The following FAM83C variants were observed in gnomAD, a reference collection of about 807,000 sequenced individuals.
FAM83C encodes the protein scaffolding CK1 anchoring protein C.
FAM83C carries 23 observed loss-of-function variants against 27.1 expected under a neutral mutation model. The ratio of observed to expected loss-of-function variants is 0.85; its 90% CI spans 0.61 to 1.20. FAM83C has a LOEUF of 1.20. Among genes scored for constraint, FAM83C ranks in the 50% most tolerant of loss-of-function variants. The probability of loss-of-function intolerance (pLI) is 0.00; values close to 1 mark genes in which losing one functional copy is unlikely to be tolerated. For synonymous variants in FAM83C, 426 were observed against 423.1 expected, an observed-to-expected ratio of 1.01 and a Z score of -0.09; for missense variants, 984 against 1,001.3, an observed-to-expected ratio of 0.98 and a Z score of 0.23.
Position 35,287,007 on chromosome 20 carries a change from C to T in FAM83C, c.1772G>A (p.Arg591His), listed in dbSNP as rs369271631. ...CTGCATCAGGAGGTCTGATTGGCCA[C>T]GGCTTTGGTTTAGGGACAGCCTCCT... ...EDRRLSLNQS[R>H]GQSDLLMQYP... The change falls in exon 4 of 4, where the codon CGT becomes CAT. Residue 591 changes from arginine to histidine, a missense_variant. Arg to His is a conservative substitution (Grantham distance 29, BLOSUM62 0). Transcript: ENST00000374408. The T allele has an allele frequency of 2.9e-5, 46 of 1,609,158 alleles. No homozygotes were observed. The highest frequency in any genetic ancestry group is 5.5e-5 in the South Asian group (5 of 91,092).
chr20:35,286,704 G>A lies in FAM83C; in HGVS notation c.2075C>T (p.Ala692Val), dbSNP rs1265471064. The A allele has an allele frequency of 9.3e-6, 15 of 1,613,878 alleles. No homozygotes were observed. The East Asian group carries it at 2.0e-4, about 22-fold the overall frequency. Residue 692 changes from alanine (A) to valine (V), a missense_variant, in exon 4 of 4, where the codon GCC (alanine) becomes GTC (valine). Ala to Val is a moderately conservative substitution (Grantham distance 64, BLOSUM62 0). Transcript: ENST00000374408. The part of the protein sequence containing the change: ...LITKYHQLHG[A>V]RQGTEPGGPK... Reference sequence around the variant, plus strand: ...ACCCCCAGGCTCAGTTCCCTGCCTGGCCCCGTGCAACTGATGATACTTGGT... The same window carrying A: ...ACCCCCAGGCTCAGTTCCCTGCCTGACCCCGTGCAACTGATGATACTTGGT...
At chr20:35,288,385 A>G (rs1737014897) in intron 3 of FAM83C, 76 bp downstream of exon 3, 1 of 1,589,002 alleles carries the variant, frequency 6.3e-7, no homozygotes, top group South Asian at 1.1e-5. Flanking sequence ...GAAGGAAAGG[A>G]TGAGTGGAGG....
chr20:35,287,702 G>A lies in FAM83C; in HGVS notation c.1077C>T (p.Arg359=). The change falls in exon 4 of 4, where the codon CGC becomes CGT. Residue 359 remains arginine, a synonymous_variant. Coordinates refer to ENST00000374408, the MANE Select transcript of FAM83C (RefSeq NM_178468.6). ...SSIKQSPLMG[R]SSYLALPGGG... is the part of the protein sequence containing the mutation. ...CTCCTGGTAGAGCGAGGTAGGAGGAGCGACCCATAAGCGGTGACTGCTTGA... is the reference window on the plus strand; with the variant it reads ...CTCCTGGTAGAGCGAGGTAGGAGGAACGACCCATAAGCGGTGACTGCTTGA... 1.9e-6 allele frequency: 3 copies of A among 1,614,064 alleles called. No individual in the cohort carries two copies. The highest frequency in any genetic ancestry group is 2.5e-6 in the Non-Finnish European group (3 of 1,179,968).
Position 35,286,519 on chromosome 20 carries a change from G to C in FAM83C, c.*16C>G, listed in dbSNP as rs140122103. ...GGCCTGCCCTTGCCAGTGCACCCCCGATGCCAGTCCTTTGGCTAGGACTCA... is the reference window on the plus strand; with the variant it reads ...GGCCTGCCCTTGCCAGTGCACCCCCCATGCCAGTCCTTTGGCTAGGACTCA... On this transcript the variant is annotated 3_prime_UTR_variant, in exon 4 of 4. Transcript: ENST00000374408. 3.1e-6 allele frequency: 5 copies of C among 1,587,710 alleles called. No homozygotes were observed. The Admixed American group carries it at 8.5e-5, about 27-fold the overall frequency.
rs1362714928 is a variant in FAM83C at position 35,287,703 on chromosome 20, C to A, written c.1076G>T (p.Arg359Leu). 6.2e-7 allele frequency: 1 copy of A among 1,614,008 alleles called. No homozygotes were observed. The highest frequency in any genetic ancestry group is 2.2e-5 in the East Asian group (1 of 44,872). Residue 359 changes from arginine (R) to leucine (L), a missense_variant, in exon 4 of 4, where the codon CGC (arginine) becomes CTC (leucine). By Grantham distance (102) the Arg-to-Leu change is moderately radical. Coordinates refer to ENST00000374408, the MANE Select transcript of FAM83C (RefSeq NM_178468.6). ...SSIKQSPLMG[R>L]SSYLALPGGG... is the part of the protein sequence containing the mutation. Reference sequence around the variant, plus strand: ...TCCTGGTAGAGCGAGGTAGGAGGAGCGACCCATAAGCGGTGACTGCTTGAT... The same window carrying A: ...TCCTGGTAGAGCGAGGTAGGAGGAGAGACCCATAAGCGGTGACTGCTTGAT...
chr20:35,288,936 A>G lies in FAM83C; in HGVS notation c.536T>C (p.Ile179Thr). The G allele has an allele frequency of 1.9e-6, 3 of 1,613,902 alleles. No homozygotes were observed. Among genetic ancestry groups the G allele is most frequent in the South Asian group, 1.1e-5 (1 of 91,066 alleles). The change falls in exon 2 of 4, where the codon ATA (isoleucine) becomes ACA (threonine). Residue 179 changes from isoleucine to threonine, a missense_variant. Coordinates refer to ENST00000374408, the MANE Select transcript of FAM83C (RefSeq NM_178468.6). ...AHTVVAVVMDIFTDMELLCDL... is the reference protein window; with the variant it reads ...AHTVVAVVMDTFTDMELLCDL... ...ACACAGAAGCTCCATGTCAGTGAAT[A>G]TGTCCATCACCACAGCCACCACCTG...
Position 35,285,785 on chromosome 20 carries a change from G to T in FAM83C, c.*750C>A. On this transcript the variant is annotated 3_prime_UTR_variant, in exon 4 of 4. Coordinates refer to ENST00000374408, the MANE Select transcript of FAM83C (RefSeq NM_178468.6). The stretch of plus-strand genomic sequence containing the variant: ...GTATCATGTTTACTATCCCGGGTAA[G>T]TGGTGAGTTCAGGAAAATGGCCCAC... 6.5e-6 allele frequency: 1 copy of T among 152,860 alleles called. No homozygotes were observed. The highest frequency in any genetic ancestry group is 1.5e-5 in the Non-Finnish European group (1 of 68,392). 9.5% of individuals were successfully genotyped at this position (152,860 alleles called of 1,614,324 possible).
chr20:35,290,626 C>T (rs139385684), intron 1 of FAM83C, among the ~76,000 whole-genome samples: 3 of 152,312 alleles, frequency 2.0e-5, no homozygotes, highest in East Asian at 1.9e-4. Context: ...GCCCAGTGCA[C>T]GAACCTGGCT....
chr20:35,287,659 T>A lies in FAM83C; in HGVS notation c.1120A>T (p.Thr374Ser). The A allele has an allele frequency of 1.2e-6, 2 of 1,613,990 alleles. No individual in the cohort carries two copies. Among genetic ancestry groups the A allele is most frequent in the Non-Finnish European group, 1.7e-6 (2 of 1,179,906 alleles). Residue 374 changes from threonine (T) to serine (S), a missense_variant, in exon 4 of 4, where the codon ACG (threonine) becomes TCG (serine). Coordinates refer to ENST00000374408, the MANE Select transcript of FAM83C (RefSeq NM_178468.6). ...ALPGGGDCSD[T>S]GVVSSSLGPA... is the part of the protein sequence containing the mutation. The stretch of plus-strand genomic sequence containing the variant: ...CCCAGGGACGAGGACACCACACCCG[T>A]ATCACTGCAATCACCACCTCCTGGT...
chr20:35,287,652 A>C lies in FAM83C; in HGVS notation c.1127T>G (p.Val376Gly), dbSNP rs2060833025. The C allele has an allele frequency of 6.2e-7, 1 of 1,613,968 alleles. No homozygotes were observed. Among genetic ancestry groups the C allele is most frequent in the Non-Finnish European group, 8.5e-7 (1 of 1,179,894 alleles). ...PGGGDCSDTGVVSSSLGPARR... is the reference protein window; with the variant it reads ...PGGGDCSDTGGVSSSLGPARR... ...GGCAGGACCCAGGGACGAGGACACCACACCCGTATCACTGCAATCACCACC... is the reference window on the plus strand; with the variant it reads ...GGCAGGACCCAGGGACGAGGACACCCCACCCGTATCACTGCAATCACCACC... The change falls in exon 4 of 4, where the codon GTG (valine) becomes GGG (glycine). Residue 376 changes from valine (V) to glycine (G), a missense_variant. Val to Gly is a moderately radical substitution (Grantham distance 109, BLOSUM62 -3). Coordinates refer to ENST00000374408, the MANE Select transcript of FAM83C (RefSeq NM_178468.6).
In FAM83C at chr20:35,287,341, G is replaced by C. The variant is rs749018897; in HGVS notation, c.1438C>G (p.Arg480Gly). Reference sequence around the variant, plus strand: ...GTTGTGCCAGGTACCCATCGACCCCGCAGGGGGCTGGGCTCTTGGCTTCCT... The same window carrying C: ...GTTGTGCCAGGTACCCATCGACCCCCCAGGGGGCTGGGCTCTTGGCTTCCT... ...LPGSQEPSPL[R>G]GRWVPGTTLE... Residue 480 changes from arginine to glycine, a missense_variant, in exon 4 of 4, where the codon CGG (arginine) becomes GGG (glycine). Transcript: ENST00000374408. 6.2e-7 allele frequency: 1 copy of C among 1,613,702 alleles called. No homozygotes were observed.
chr20:35,286,664 A>T lies in FAM83C; in HGVS notation c.2115T>A (p.His705Gln). Residue 705 changes from histidine (H) to glutamine (Q), a missense_variant, in exon 4 of 4, where the codon CAT (histidine) becomes CAA (glutamine). By Grantham distance (24) the His-to-Gln change is conservative. Coordinates refer to ENST00000374408, the MANE Select transcript of FAM83C (RefSeq NM_178468.6). ...CCAGGTCACTGTTACCACCATTGAG[A>T]TGGCCACCCTTGGGACCCCCAGGCT... The part of the protein sequence containing the change: ...GTEPGGPKGG[H>Q]LNGGNSDLVR... 2.5e-6 allele frequency: 4 copies of T among 1,612,740 alleles called. No homozygotes were observed. The highest frequency in any genetic ancestry group is 1.7e-5 in the Admixed American group (1 of 59,924).
chr20:35,291,094 C>G (rs537603503), intron 1 of FAM83C, among the ~76,000 whole-genome samples: 80 of 152,358 alleles, frequency 5.3e-4, no homozygotes, highest in African/African-American at 1.8e-3. Flanking sequence ...CTCCCCATCA[C>G]TGAGCCCAGC....
chr20:35,292,215 C>G lies in FAM83C; in HGVS notation c.90G>C (p.Trp30Cys). The G allele has an allele frequency of 6.3e-7, 1 of 1,590,844 alleles. No individual in the cohort carries two copies. The highest frequency in any genetic ancestry group is 8.5e-7 in the Non-Finnish European group (1 of 1,176,718). Reference sequence around the variant, plus strand: ...GCACCAGCGGTGAGCTCTCCCGCCACCACGGCAGCTTCAGCTCTTCCACCC... The same window carrying G: ...GCACCAGCGGTGAGCTCTCCCGCCAGCACGGCAGCTTCAGCTCTTCCACCC... Reference protein sequence around the residue: ...RGRVEELKLPWWRESSPLVLR... With the variant: ...RGRVEELKLPCWRESSPLVLR... The change falls in exon 1 of 4, where the codon TGG becomes TGC. Residue 30 changes from tryptophan to cysteine, a missense_variant. Transcript: ENST00000374408.
Position 35,286,604 on chromosome 20 carries a change from G to A in FAM83C, c.2175C>T (p.Ser725=), listed in dbSNP as rs145851406. 1,421 of 1,614,148 alleles carry A rather than the reference G, an allele frequency of 8.8e-4. 3 individuals carry two copies. Among genetic ancestry groups the A allele is most frequent in the Non-Finnish European group, 1.1e-3 (1,303 of 1,180,026 alleles). ...TGTACTTAGTGATGAGGTCCAGTTT[G>A]CTGTGACCCAGGGTCAGCCGTTTCT... ...RDEKRLTLGH[S]KLDLITKYNK... Residue 725 remains serine (S), a synonymous_variant, in exon 4 of 4, where the codon AGC becomes AGT. Coordinates refer to ENST00000374408, the MANE Select transcript of FAM83C (RefSeq NM_178468.6).
Position 35,287,145 on chromosome 20 carries a change from C to T in FAM83C, c.1634G>A (p.Arg545Lys). Reference sequence around the variant, plus strand: ...GCTGTCGGCCTGGCTTGGGGACAACCTCCTGTCCTCTGGGGCCTGCTCGCC... The same window carrying T: ...GCTGTCGGCCTGGCTTGGGGACAACTTCCTGTCCTCTGGGGCCTGCTCGCC... ...RPGEQAPEDR[R>K]LSPSQADSQL... Residue 545 changes from arginine to lysine, a missense_variant, in exon 4 of 4, where the codon AGG becomes AAG. By Grantham distance (26) the Arg-to-Lys change is conservative (BLOSUM62 2). Coordinates refer to ENST00000374408, the MANE Select transcript of FAM83C (RefSeq NM_178468.6). The T allele has an allele frequency of 6.2e-7, 1 of 1,605,000 alleles. No individual in the cohort carries two copies. Among genetic ancestry groups the T allele is most frequent in the Non-Finnish European group, 8.5e-7 (1 of 1,178,828 alleles).
rs2060820454 is a variant in FAM83C, at chr20:35,285,875, T to G, written c.*660A>C. On this transcript the variant is annotated 3_prime_UTR_variant, in exon 4 of 4. Coordinates refer to ENST00000374408, the MANE Select transcript of FAM83C (RefSeq NM_178468.6). ...ATGATGACGACGACAATGATGATGA[T>G]GATGATGATGACTCAGCAAGATGAT... 6.4e-6 allele frequency: 1 copy of G among 156,900 alleles called. No homozygotes were observed. Among genetic ancestry groups the G allele is most frequent in the South Asian group, 1.9e-4 (1 of 5,376 alleles). The allele number at this position is 156,900 out of a possible 1,614,324, so 9.7% of individuals were successfully genotyped here.
rs1471300153 is a variant in FAM83C at position 35,285,789 on chromosome 20, T to C, written c.*746A>G. On this transcript the variant is annotated 3_prime_UTR_variant, in exon 4 of 4. Transcript: ENST00000374408. ...CATGTTTACTATCCCGGGTAAGTGG[T>C]GAGTTCAGGAAAATGGCCCACAACC... is the stretch of plus-strand genomic sequence containing the variant. The C allele has an allele frequency of 6.5e-6, 1 of 152,738 alleles. No homozygotes were observed. Among genetic ancestry groups the C allele is most frequent in the Non-Finnish European group, 1.5e-5 (1 of 68,424 alleles). The allele number at this position is 152,738 out of a possible 1,614,324, so 9.5% of individuals were successfully genotyped here.
At position 35,288,123 on chromosome 20, in the gene FAM83C, CCA is replaced by C. The variant is rs2060835543; in HGVS notation, c.807-153_807-152del. 3 of 737,586 alleles carry C rather than the reference CCA, an allele frequency of 4.1e-6. No individual in the cohort carries two copies. The South Asian group carries it at 5.9e-5, about 15-fold the overall frequency. The allele number at this position is 737,586 out of a possible 1,614,324, so 45.7% of individuals were successfully genotyped here. On this transcript the variant is annotated intron_variant, in intron 3 of 3. Coordinates refer to ENST00000374408, the MANE Select transcript of FAM83C (RefSeq NM_178468.6). ...CACAGCGAGGGGCAGAGCTCCAACT[CCA>C]GAGTCTGTGCTTGCCCTAGCCCTGC...
Sources: allele counts gnomAD v4.1 joint callset (sites outside exome capture counted in the v4.1 genomes callset), GRCh38; gene constraint gnomAD v4.1.1; transcripts MANE v1.5; gene names NCBI Gene and HGNC (gene_info 2026-07-23, HGNC 2026-07-21).